MYO1B: variants seen among roughly 807,000 people sequenced by gnomAD.
MYO1B encodes the protein unconventional myosin-Ib.
In MYO1B, 72 loss-of-function variants were observed where a neutral mutation model predicts 159.7. The ratio of observed to expected loss-of-function variants is 0.45; its 90% CI spans 0.37 to 0.55. MYO1B has a LOEUF of 0.55. Ranked by LOEUF, MYO1B falls within the 20% of genes least tolerant of loss-of-function variation. The probability of loss-of-function intolerance (pLI) is 0.00; values close to 1 mark genes in which losing one functional copy is unlikely to be tolerated. For missense variants in MYO1B, 1,062 were observed against 1,364.8 expected, an observed-to-expected ratio of 0.78 and a Z score of 3.50; for synonymous variants, 468 against 473.8, an observed-to-expected ratio of 0.99 and a Z score of 0.16.
chr2:191,382,638 A>G (rs1171258051), intron 14 of MYO1B, among the ~76,000 whole-genome samples: 1 of 152,240 alleles, frequency 6.6e-6, no homozygotes, highest in Non-Finnish European at 1.5e-5. Context: ...GAAGACAAAT[A>G]AATGTTTACA....
At chr2:191,256,890 G>A (rs967646801) in intron 1 of MYO1B, among the ~76,000 whole-genome samples, 15 of 152,108 alleles carry the variant, frequency 9.9e-5, no homozygotes, top group Non-Finnish European at 2.2e-4. Context: ...TTTAGCAGAA[G>A]TATCCCCAAA....
chr2:191,421,865 A>T (rs186588650), intron 30 of MYO1B, among the ~76,000 whole-genome samples: 2 of 152,356 alleles, frequency 1.3e-5, no homozygotes, highest in Admixed American at 1.3e-4. Flanking sequence ...TTTTTGAGAC[A>T]CATACATACA....
At chr2:191,315,319 G>A (rs73060706) in intron 3 of MYO1B, among the ~76,000 whole-genome samples, 2,185 of 152,212 alleles carry the variant, frequency 0.014, 52 homozygotes, top group African/African-American at 0.05. Context: ...GAAGATCAAT[G>A]TGAATTAATT....
At chr2:191,333,533 C>T (rs1260187188) in intron 4 of MYO1B, among the ~76,000 whole-genome samples, 1 of 152,176 alleles carries the variant, frequency 6.6e-6, no homozygotes, top group African/African-American at 2.4e-5. Flanking sequence ...ACCAGGCTCT[C>T]TCTTCCTTTT....
chr2:191,273,620 C>G (rs886747179), intron 1 of MYO1B, among the ~76,000 whole-genome samples: 5 of 152,200 alleles, frequency 3.3e-5, no homozygotes, highest in Admixed American at 2.6e-4. Flanking sequence ...AGCCTTGAAT[C>G]AGTTACACTG....
rs1319477446 is a variant in MYO1B, at chr2:191,336,292, C to CCAAA, written c.347-5169_347-5168insCAAA. Among the ~76,000 whole-genome samples the CCAAA allele has an allele frequency of 6.2e-4, 95 of 152,328 alleles. 1 individual carries two copies. The East Asian group carries it at 0.013, about 21-fold the overall frequency. On this transcript the variant is annotated intron_variant, in intron 4 of 30. Coordinates refer to ENST00000392318, the MANE Select transcript of MYO1B (RefSeq NM_001130158.3). ...CTAAACCCCAAATGACCTTATGTAT[C>CCAAA]TGCAGTGGTTCTCCAACTGGACAGT...
chr2:191,286,761 C>T (rs1012189009), intron 2 of MYO1B, among the ~76,000 whole-genome samples: 18 of 152,004 alleles, frequency 1.2e-4, no homozygotes, highest in African/African-American at 3.6e-4. Flanking sequence ...GATGAAACCC[C>T]GTCTCTACCA....
intron 5 of MYO1B, among the ~76,000 whole-genome samples, chr2:191,344,118 G>T (rs1692405457): frequency 6.6e-6 from 1 of 152,164 alleles, no homozygotes; most frequent in Non-Finnish European, 1.5e-5. Flanking sequence ...TGTCCTTTAT[G>T]CATCAACATC....
In MYO1B at chr2:191,247,390, T is replaced by C. The variant is rs1453045159; in HGVS notation, c.-10+1764T>C. Among the ~76,000 whole-genome samples the C allele has an allele frequency of 2.0e-5, 3 of 152,082 alleles. No individual in the cohort carries two copies. In the South Asian group the frequency reaches 6.2e-4, roughly 32 times the overall value. On this transcript the variant is annotated intron_variant, in intron 1 of 30. Coordinates refer to ENST00000392318, the MANE Select transcript of MYO1B (RefSeq NM_001130158.3). ...AGGAGCTTGCTGTGGGGGAAAAAAATATCTCCTGCCCACTAAGTGGTAATG... is the reference window on the plus strand; with the variant it reads ...AGGAGCTTGCTGTGGGGGAAAAAAACATCTCCTGCCCACTAAGTGGTAATG...
intron 1 of MYO1B, among the ~76,000 whole-genome samples, chr2:191,247,324 T>G (rs35530564): frequency 0.28 from 42,156 of 152,026 alleles, 6,377 homozygotes; most frequent in Middle Eastern, 0.45. Context: ...TATTTTGAGA[T>G]GAACCAAGTT....
chr2:191,276,996 A>G lies in MYO1B; in HGVS notation c.101A>G (p.Asn34Ser). The change falls in exon 2 of 31, where the codon AAC (asparagine) becomes AGC (serine). Residue 34 changes from asparagine (N) to serine (S), a missense_variant. By Grantham distance (46) the Asn-to-Ser change is conservative. This residue lies in a region of MYO1B where 415 missense variants were observed against 544.0 expected (regional missense o/e 0.76). Coordinates refer to ENST00000392318, the MANE Select transcript of MYO1B (RefSeq NM_001130158.3). Reference protein sequence around the residue: ...EPLNEETFINNLKKRFDHSEI... With the variant: ...EPLNEETFINSLKKRFDHSEI... ...CTCAATGAGGAGACCTTCATCAACA[A>G]CCTCAAGAAGCGCTTTGACCACAGT... is the stretch of plus-strand genomic sequence containing the variant. 1 of 1,614,036 alleles carries G rather than the reference A, an allele frequency of 6.2e-7. No individual in the cohort carries two copies. The highest frequency in any genetic ancestry group is 1.1e-5 in the South Asian group (1 of 91,062).
chr2:191,368,317 C>T (rs946004220), intron 11 of MYO1B, among the ~76,000 whole-genome samples: 1 of 152,188 alleles, frequency 6.6e-6, no homozygotes, highest in African/African-American at 2.4e-5. Context: ...TACACACATA[C>T]GGCCAGCATG....
chr2:191,396,393 C>T, intron 20 of MYO1B, 36 bp from the exon 21 acceptor site: 2 of 1,604,800 alleles, frequency 1.2e-6, no homozygotes, highest in South Asian at 2.2e-5. Context: ...CAGATATTAA[C>T]TACAACTGCC....
At chr2:191,370,469 A>G (rs769473218) in intron 13 of MYO1B, among the ~76,000 whole-genome samples, 177 bp downstream of exon 13, 5 of 151,098 alleles carry the variant, frequency 3.3e-5, no homozygotes, top group Admixed American at 6.6e-5. Flanking sequence ...AGATGTAACA[A>G]AATTTGGTTG....
chr2:191,275,121 G>C (rs894540008), intron 1 of MYO1B, among the ~76,000 whole-genome samples: 1 of 152,020 alleles, frequency 6.6e-6, no homozygotes, highest in Non-Finnish European at 1.5e-5. Context: ...GGCCAGGCTG[G>C]TCTTGAACTC....
chr2:191,387,181 G>A (rs1396922298), intron 16 of MYO1B, 43 bp from the exon 17 acceptor site: 5 of 1,557,654 alleles, frequency 3.2e-6, no homozygotes, highest in Non-Finnish European at 4.4e-6. Context: ...TGACATTATA[G>A]CATGCAATGT....
At chr2:191,422,578 G>C (rs1422595952) in intron 30 of MYO1B, among the ~76,000 whole-genome samples, 20 of 151,936 alleles carry the variant, frequency 1.3e-4, no homozygotes, top group Admixed American at 1.3e-3. Flanking sequence ...ATTTTAATGG[G>C]TATTAAAGAT....
At chr2:191,350,305 G>A (rs1692829958) in intron 7 of MYO1B, 80 bp downstream of exon 7, 2 of 1,000,988 alleles carry the variant, frequency 2.0e-6, no homozygotes, top group Non-Finnish European at 3.0e-6. Flanking sequence ...TTAGATACTT[G>A]TGTCTTTGAG....
intron 1 of MYO1B, among the ~76,000 whole-genome samples, chr2:191,246,687 A>C (rs1365386663): frequency 1.3e-5 from 2 of 152,166 alleles, no homozygotes. Flanking sequence ...ATTTTATAGA[A>C]TCAATTTTGA....
Sources: gnomAD v4.1 joint callset for allele counts (sites outside exome capture counted in the v4.1 genomes callset) on GRCh38, gnomAD v4.1.1 for gene constraint, gnomAD v4.1.1 regional missense constraint, MANE v1.5 for transcripts, NCBI Gene and HGNC (gene_info 2026-07-23, HGNC 2026-07-21) for gene names.